MKLN1: variants seen among roughly 807,000 people sequenced by gnomAD.
MKLN1 encodes muskelin 1.
Under a neutral mutation model 99.0 loss-of-function variants are expected in MKLN1, and 18 were observed. That is an observed-to-expected ratio of 0.18 (90% confidence interval 0.13 to 0.27). The LOEUF is 0.27. Among genes scored for constraint, MKLN1 ranks in the 10% least tolerant of loss-of-function variants. The pLI, the probability that MKLN1 is intolerant of heterozygous loss-of-function variation, is 1.00. For missense variants in MKLN1, 621 were observed against 875.9 expected, an observed-to-expected ratio of 0.71 and a Z score of 3.67; for synonymous variants, 288 against 293.2, an observed-to-expected ratio of 0.98 and a Z score of 0.18.
At chr7:131,481,901 T>G (rs1797131929) in intron 17 of MKLN1, among the ~76,000 whole-genome samples, 1 of 151,632 alleles carries the variant, frequency 6.6e-6, no homozygotes, top group Non-Finnish European at 1.5e-5. Context: ...TTAGTGAGAA[T>G]TAAATAAAAG....
rs545408948 is a variant in MKLN1 at position 131,261,339 on chromosome 7, T to C, written c.-179+58365T>C. 6.4e-4 allele frequency among the ~76,000 whole-genome samples: 98 copies of C among 152,066 alleles called. 1 individual carries two copies. Among genetic ancestry groups the C allele is most frequent in the African/African-American group, 2.2e-3 (93 of 41,466 alleles). On this transcript the variant is annotated intron_variant, in intron 3 of 7. Transcript: ENST00000416992. ...CCCATAAAAAAGTGGGCAAAGGAAA[T>C]GAACAGACACTTTTCAAAAGAAGAC... is the stretch of plus-strand genomic sequence containing the variant.
rs976734211 is a variant in MKLN1 at position 131,489,452 on chromosome 7, C to T, written c.*1724C>T. On this transcript the variant is annotated 3_prime_UTR_variant, in exon 18 of 18. Coordinates refer to ENST00000352689, the MANE Select transcript of MKLN1 (RefSeq NM_013255.5). Reference sequence around the variant, plus strand: ...CAGTCAAGTAAATACAGTTTGCTTACATACTTCAACAGTTTCATAAAACGA... The same window carrying T: ...CAGTCAAGTAAATACAGTTTGCTTATATACTTCAACAGTTTCATAAAACGA... 3.3e-5 allele frequency: 5 copies of T among 152,110 alleles called. No homozygotes were observed. Among genetic ancestry groups the T allele is most frequent in the Non-Finnish European group, 7.4e-5 (5 of 68,018 alleles). The allele number at this position is 152,110 out of a possible 1,614,324, so 9.4% of individuals were successfully genotyped here. A position where few individuals can be genotyped will look rare whatever the true frequency, so the allele number is the denominator to read the frequency against.
Position 131,491,344 on chromosome 7 carries a change from G to T in MKLN1, c.*3616G>T, listed in dbSNP as rs750791565. The T allele has an allele frequency of 6.6e-5, 10 of 151,948 alleles. No homozygotes were observed. Among genetic ancestry groups the T allele is most frequent in the Non-Finnish European group, 1.0e-4 (7 of 67,998 alleles). 9.4% of individuals were successfully genotyped at this position (151,948 alleles called of 1,614,324 possible). ...AGTTTTGAATTCCTAAGGTAGCCCC[G>T]ATCTAGGATGTGAAGGCTGCCCAGA... is the stretch of plus-strand genomic sequence containing the variant. On this transcript the variant is annotated 3_prime_UTR_variant, in exon 18 of 18. Transcript: ENST00000352689.
rs1797494268 is a variant in MKLN1, at chr7:131,494,264, G to A, written c.*6536G>A. 6.6e-6 allele frequency: 1 copy of A among 152,134 alleles called. No homozygotes were observed. The highest frequency in any genetic ancestry group is 6.5e-5 in the Admixed American group (1 of 15,274). The allele number at this position is 152,134 out of a possible 1,614,324, so 9.4% of individuals were successfully genotyped here. A position where few individuals can be genotyped will look rare whatever the true frequency, so the allele number is the denominator to read the frequency against. On this transcript the variant is annotated 3_prime_UTR_variant, in exon 18 of 18. Transcript: ENST00000352689. ...TTTTATTTAGGTTTCCTCCACATCT[G>A]TAAAGTGATTGATTAAATTAGAGGA...
At chr7:131,178,177 C>T (rs921049910) in intron 2 of MKLN1, among the ~76,000 whole-genome samples, 2 of 149,190 alleles carry the variant, frequency 1.3e-5, no homozygotes, top group South Asian at 2.2e-4. Flanking sequence ...AGTGCAATGG[C>T]GTTATCTCGG....
Position 131,495,367 on chromosome 7 carries a change from G to T in MKLN1, c.*7639G>T, listed in dbSNP as rs1797530148. On this transcript the variant is annotated 3_prime_UTR_variant, in exon 18 of 18. Transcript: ENST00000352689. ...AAACATCTCCTGGACTGGAAATGTG[G>T]TGCTGTAACCAGCTGAGCCGAAAGT... is the stretch of plus-strand genomic sequence containing the variant. 1 of 152,136 alleles carries T rather than the reference G, an allele frequency of 6.6e-6. No homozygotes were observed. Among genetic ancestry groups the T allele is most frequent in the Non-Finnish European group, 1.5e-5 (1 of 68,028 alleles). 9.4% of individuals were successfully genotyped at this position (152,136 alleles called of 1,614,324 possible).
chr7:131,299,210 T>G (rs544269562), intron 3 of MKLN1, among the ~76,000 whole-genome samples: 16 of 152,314 alleles, frequency 1.1e-4, no homozygotes, highest in African/African-American at 3.6e-4. Flanking sequence ...TCTCTGTAAT[T>G]ACAATAATAA....
chr7:131,274,699 G>A (rs1797934983), intron 3 of MKLN1, among the ~76,000 whole-genome samples: 1 of 149,448 alleles, frequency 6.7e-6, no homozygotes, highest in Non-Finnish European at 1.5e-5. Flanking sequence ...AGTCCCTGAT[G>A]AGTGTCTTGG....
At chr7:131,317,647 A>G (rs766991135) in intron 3 of MKLN1, among the ~76,000 whole-genome samples, 6 of 152,208 alleles carry the variant, frequency 3.9e-5, no homozygotes, top group Non-Finnish European at 7.4e-5. Context: ...CCTAATTAAA[A>G]GACACAGACT....
chr7:131,419,195 A>C (rs552742026), intron 8 of MKLN1, among the ~76,000 whole-genome samples: 1 of 144,956 alleles, frequency 6.9e-6, no homozygotes, highest in South Asian at 2.2e-4. Context: ...GTTTTTGTGT[A>C]GTTTTCTGGG....
intron 3 of MKLN1, among the ~76,000 whole-genome samples, chr7:131,266,209 T>C (rs1020563849): frequency 4.7e-5 from 7 of 149,692 alleles, no homozygotes; most frequent in African/African-American, 1.7e-4. Context: ...AAATTGGTTG[T>C]GTGTGTTGTC....
chr7:131,481,826 A>C (rs966416019), intron 17 of MKLN1, among the ~76,000 whole-genome samples: 13 of 152,056 alleles, frequency 8.5e-5, no homozygotes, highest in Admixed American at 5.9e-4. Context: ...AAAAAAAAAA[A>C]AAAAAACCTC....
intron 3 of MKLN1, among the ~76,000 whole-genome samples, chr7:131,301,579 A>T (rs4731786): frequency 0.44 from 66,806 of 151,982 alleles, 16,051 homozygotes; most frequent in Admixed American, 0.58. Flanking sequence ...ATCTGAAATC[A>T]GTCCAGGGAA....
At chr7:131,376,140 G>GT (rs71174943) in intron 2 of MKLN1, among the ~76,000 whole-genome samples, 106,442 of 124,254 alleles carry the variant, frequency 0.86, 45,553 homozygotes, top group East Asian at 0.93. Context: ...ATATATGTAT[G>GT]ATGTATGTAT....
At chr7:131,255,960 C>T (rs1392404046) in intron 3 of MKLN1, among the ~76,000 whole-genome samples, 2 of 151,156 alleles carry the variant, frequency 1.3e-5, no homozygotes, top group Non-Finnish European at 2.9e-5. Context: ...GGCTGGAGTG[C>T]AGTGACATGA....
chr7:131,245,438 T>G (rs1797472084), intron 3 of MKLN1, among the ~76,000 whole-genome samples: 1 of 152,066 alleles, frequency 6.6e-6, no homozygotes, highest in African/African-American at 2.4e-5. Flanking sequence ...CAGCTAATTT[T>G]TGCATTTTTA....
chr7:131,155,880 G>A (rs1166080021), intron 2 of MKLN1, among the ~76,000 whole-genome samples: 2 of 152,094 alleles, frequency 1.3e-5, no homozygotes, highest in South Asian at 2.1e-4. Context: ...AAGGCAATAC[G>A]CAAAACCAAA....
chr7:131,478,586 TTGC>T (rs758296974), intron 16 of MKLN1, 34 bp from the exon 17 acceptor site: 13 of 1,478,942 alleles, frequency 8.8e-6, no homozygotes, highest in Non-Finnish European at 1.2e-5. Flanking sequence ...GCCAGCTAAT[TTGC>T]TGCTTCTTTT....
chr7:131,406,925 A>G (rs868268013), intron 6 of MKLN1, among the ~76,000 whole-genome samples: 3 of 152,050 alleles, frequency 2.0e-5, no homozygotes, highest in Middle Eastern at 3.4e-3. Flanking sequence ...ATTATTTTGT[A>G]GTTACATTAA....
Sources: allele counts gnomAD v4.1 joint callset (sites outside exome capture counted in the v4.1 genomes callset), GRCh38; gene constraint gnomAD v4.1.1; transcripts MANE v1.5; gene names NCBI Gene and HGNC (gene_info 2026-07-23, HGNC 2026-07-21).